ETV1: variants seen among roughly 807,000 people sequenced by gnomAD.
The protein encoded by ETV1 is ETS variant transcription factor 1, also known as ETS translocation variant 1.
ETV1 carries 27 observed loss-of-function variants against 62.3 expected under a neutral mutation model. The ratio of observed to expected loss-of-function variants is 0.43; its 90% CI spans 0.32 to 0.60. ETV1 has a LOEUF of 0.60. Ranked by LOEUF, ETV1 falls within the 20% of genes least tolerant of loss-of-function variation. ETV1 has a pLI of 0.06. For synonymous variants in ETV1, 222 were observed against 199.6 expected (o/e 1.11, Z -0.94); for missense variants, 605 against 605.8 (o/e 1.00, Z 0.01).
intron 11 of ETV1, among the ~76,000 whole-genome samples, chr7:13,907,460 A>AT (rs1272813394): frequency 2.6e-5 from 4 of 152,156 alleles, no homozygotes; most frequent in Non-Finnish European, 4.4e-5. Flanking sequence ...TATCTAGTGT[A>AT]AAAATCTGTT....
intron 6 of ETV1, among the ~76,000 whole-genome samples, chr7:13,947,392 C>CAAAAAAAAAAAA (rs11352949): frequency 1.2e-5 from 1 of 86,488 alleles, no homozygotes; most frequent in Non-Finnish European, 2.3e-5. Context: ...ACTAACTATA[C>CAAAAAAAAAAAA]AAAAAAAAAA....
chr7:13,980,055 C>T (rs554819288), intron 5 of ETV1, among the ~76,000 whole-genome samples: 1 of 152,218 alleles, frequency 6.6e-6, no homozygotes, highest in South Asian at 2.1e-4. Context: ...ATAAGAATTC[C>T]TATTTCTGTT....
At chr7:13,989,169 T>TA (rs10622991) in intron 2 of ETV1, 30 bp from the exon 3 acceptor site, 40,060 of 680,328 alleles carry the variant, frequency 0.059, 1,359 homozygotes, top group African/African-American at 0.18. Flanking sequence ...CTTTTAGGCT[T>TA]AAAAAAAAAT....
intron 8 of ETV1, among the ~76,000 whole-genome samples, chr7:13,933,180 G>A (rs1261064678): frequency 3.3e-5 from 5 of 152,176 alleles, no homozygotes; most frequent in Non-Finnish European, 5.9e-5. Flanking sequence ...AGCCTTAAAA[G>A]GAAGTTAATA....
chr7:13,913,396 C>A (rs559581449), intron 9 of ETV1, among the ~76,000 whole-genome samples: 6 of 152,162 alleles, frequency 3.9e-5, no homozygotes. Flanking sequence ...TCTGACATTG[C>A]ATGGGAGTAT....
chr7:13,950,111 T>C (rs191041756), intron 6 of ETV1, among the ~76,000 whole-genome samples: 178 of 152,228 alleles, frequency 1.2e-3, no homozygotes, highest in Middle Eastern at 3.4e-3. Flanking sequence ...GGTTTCAGGA[T>C]TGAGCCAGTG....
intron 7 of ETV1, 107 bp downstream of exon 7, chr7:13,939,010 A>C: frequency 9.2e-7 from 1 of 1,082,634 alleles, no homozygotes; most frequent in Non-Finnish European, 1.4e-6. Context: ...AGCTTGTTAC[A>C]TATTAAAGAC....
At chr7:13,962,619 T>A (rs758481795) in intron 6 of ETV1, among the ~76,000 whole-genome samples, 2 of 152,152 alleles carry the variant, frequency 1.3e-5, no homozygotes, top group Non-Finnish European at 2.9e-5. Flanking sequence ...GAGAGCATCA[T>A]TATTTTGTTA....
intron 8 of ETV1, among the ~76,000 whole-genome samples, chr7:13,935,441 C>T (rs78215345): frequency 1.3e-4 from 20 of 152,072 alleles, no homozygotes; most frequent in Non-Finnish European, 1.6e-4. Flanking sequence ...TCAAGCAAAG[C>T]GAAAGGGAAA....
chr7:13,896,180 A>T lies in ETV1; in HGVS notation c.1213-93T>A, dbSNP rs372843512. 8.3e-6 allele frequency: 8 copies of T among 961,828 alleles called. No homozygotes were observed. In the African/African-American group the frequency reaches 1.2e-4, roughly 14 times the overall value. The allele number at this position is 961,828 out of a possible 1,614,324, so 59.6% of individuals were successfully genotyped here. On this transcript the variant is annotated intron_variant, in intron 13 of 13. Transcript: ENST00000430479. ...AAGCCAAAAACGTGGTTTAATATACAGGAAAGGATGGGTAACTCTGGCCCA... is the reference window on the plus strand; with the variant it reads ...AAGCCAAAAACGTGGTTTAATATACTGGAAAGGATGGGTAACTCTGGCCCA...
intron 3 of ETV1, 110 bp from the exon 4 acceptor site, chr7:13,988,283 ATCT>A: frequency 1.5e-6 from 1 of 688,020 alleles, no homozygotes; most frequent in South Asian, 1.7e-5. Context: ...AGTCTAATGG[ATCT>A]TCTCTGAATA....
At chr7:13,963,767 T>G (rs539212560) in intron 6 of ETV1, among the ~76,000 whole-genome samples, 3 of 152,164 alleles carry the variant, frequency 2.0e-5, no homozygotes, top group African/African-American at 7.2e-5. Context: ...GGTCTATATA[T>G]TCCATAAGCA....
At chr7:13,942,186 G>A (rs1256286418) in intron 6 of ETV1, among the ~76,000 whole-genome samples, 2 of 151,746 alleles carry the variant, frequency 1.3e-5, no homozygotes, top group African/African-American at 4.8e-5. Context: ...ACCACGCCCG[G>A]CTAACTTTTT....
At chr7:13,975,263 A>C (rs1781313615) in intron 6 of ETV1, among the ~76,000 whole-genome samples, 1 of 152,088 alleles carries the variant, frequency 6.6e-6, no homozygotes, top group African/African-American at 2.4e-5. Flanking sequence ...GGTGCATGTA[A>C]AATAAGAGGA....
intron 5 of ETV1, chr7:13,986,110 A>G: frequency 6.4e-7 from 1 of 1,573,596 alleles, no homozygotes; most frequent in Non-Finnish European, 8.6e-7. Context: ...AGCATTAGAT[A>G]CACACCTAAC....
At chr7:13,907,384 C>T (rs772095080) in intron 11 of ETV1, among the ~76,000 whole-genome samples, 33 of 151,928 alleles carry the variant, frequency 2.2e-4, no homozygotes, top group South Asian at 4.1e-4. Flanking sequence ...AATGCATGCA[C>T]GAGAGATTTC....
intron 6 of ETV1, among the ~76,000 whole-genome samples, chr7:13,971,526 T>C (rs975725705): frequency 1.3e-5 from 2 of 152,160 alleles, no homozygotes; most frequent in African/African-American, 4.8e-5. Context: ...TTTAATAACA[T>C]TTTTTCCAAT....
intron 3 of ETV1, chr7:13,988,473 C>A: frequency 1.6e-6 from 1 of 612,330 alleles, no homozygotes; most frequent in Non-Finnish European, 2.8e-6. Context: ...AGCATTTACA[C>A]TTAAAGTTGT....
At chr7:13,900,525 A>G (rs565856842) in intron 13 of ETV1, 5 of 432,184 alleles carry the variant, frequency 1.2e-5, no homozygotes, top group Non-Finnish European at 2.0e-5. Context: ...CAGAAAGCCT[A>G]TTATTCTGTA....
Sources: gnomAD v4.1 joint callset for allele counts (sites outside exome capture counted in the v4.1 genomes callset) on GRCh38, gnomAD v4.1.1 for gene constraint, MANE v1.5 for transcripts, NCBI Gene and HGNC (gene_info 2026-07-23, HGNC 2026-07-21) for gene names.